Variants in WDFY1 observed in about 807,000 individuals in gnomAD.
WDFY1 encodes the protein WD repeat and FYVE domain-containing protein 1.
WDFY1 carries 32 observed loss-of-function variants against 56.4 expected under a neutral mutation model. The ratio of observed to expected loss-of-function variants is 0.57; its 90% CI spans 0.43 to 0.76. The LOEUF (loss-of-function observed/expected upper bound fraction) is 0.76. WDFY1 is among the 30% of genes least tolerant of loss of function. The pLI is 0.00. For synonymous variants in WDFY1, 192 were observed against 197.3 expected (o/e 0.97, Z 0.23); for missense variants, 480 against 545.7 (o/e 0.88, Z 1.20).
rs1232662624 is a variant in WDFY1, at chr2:223,895,435, CTA to C, written c.725+67_725+68del. ...GGGGTTTGCAGAAAGTGGTATCAGA[CTA>C]TTAATGCCTTTCACTAGCTCCCCAC... On this transcript the variant is annotated intron_variant, in intron 7 of 11. Coordinates refer to ENST00000233055, the MANE Select transcript of WDFY1 (RefSeq NM_020830.5). 6.8e-6 allele frequency: 11 copies of C among 1,609,796 alleles called. No homozygotes were observed. In the African/African-American group the frequency reaches 1.3e-4, roughly 20 times the overall value.
intron 1 of WDFY1, among the ~76,000 whole-genome samples, chr2:223,933,057 T>C (rs1314366359): frequency 6.6e-6 from 1 of 152,150 alleles, no homozygotes; most frequent in Non-Finnish European, 1.5e-5. Flanking sequence ...TCTTTCTCCT[T>C]TGGTAACAGG....
intron 6 of WDFY1, among the ~76,000 whole-genome samples, chr2:223,896,576 A>G (rs1197799156): frequency 6.6e-6 from 1 of 152,214 alleles, no homozygotes; most frequent in Non-Finnish European, 1.5e-5. Flanking sequence ...TATATCTTTC[A>G]GTAGGTCCTT....
At chr2:223,894,141 C>T in intron 8 of WDFY1, 93 bp downstream of exon 8, 1 of 1,252,800 alleles carries the variant, frequency 8.0e-7, no homozygotes, top group Non-Finnish European at 1.1e-6. Flanking sequence ...TGCACCTGGA[C>T]CAGCATTTAC....
chr2:223,944,600 G>T (rs1027616908), intron 1 of WDFY1, among the ~76,000 whole-genome samples: 1 of 150,940 alleles, frequency 6.6e-6, no homozygotes, highest in African/African-American at 2.4e-5. Flanking sequence ...CTTGAGTGGC[G>T]CGGTGGGACA....
intron 3 of WDFY1, among the ~76,000 whole-genome samples, 154 bp downstream of exon 3, chr2:223,912,099 G>C (rs1693714202): frequency 6.6e-6 from 1 of 152,182 alleles, no homozygotes; most frequent in African/African-American, 2.4e-5. Flanking sequence ...ACAGATGTGA[G>C]CCACTGTGCT....
intron 1 of WDFY1, among the ~76,000 whole-genome samples, chr2:223,930,569 G>A (rs1404631797): frequency 6.6e-6 from 1 of 152,202 alleles, no homozygotes; most frequent in Non-Finnish European, 1.5e-5. Flanking sequence ...GACCTCACGT[G>A]ATCCGCCCTC....
intron 1 of WDFY1, among the ~76,000 whole-genome samples, chr2:223,933,959 C>G (rs1345312988): frequency 2.3e-4 from 1 of 4,356 alleles, no homozygotes; most frequent in Non-Finnish European, 1.7e-3. Context: ...GAGACCCTGC[C>G]TCAAAAAAAA....
In WDFY1 at chr2:223,898,997, T is replaced by C; in HGVS notation, c.559A>G (p.Asn187Asp). 6.2e-7 allele frequency: 1 copy of C among 1,614,114 alleles called. No homozygotes were observed. Among genetic ancestry groups the C allele is most frequent in the Non-Finnish European group, 8.5e-7 (1 of 1,179,998 alleles). The change falls in exon 6 of 12, where the codon AAC (asparagine) becomes GAC (aspartate). Residue 187 changes from asparagine (N) to aspartate (D), a missense_variant. Coordinates refer to ENST00000233055, the MANE Select transcript of WDFY1 (RefSeq NM_020830.5). ...AGGGTTGTGATGACTGAACACGTGT[T>C]CTGTTCAAGCTTCAGCAGGGTGATC... is the stretch of plus-strand genomic sequence containing the variant. ...GQITLLKLEQ[N>D]TCSVITTLKG...
intron 10 of WDFY1, 51 bp downstream of exon 10, chr2:223,881,891 A>G: frequency 6.2e-7 from 1 of 1,603,862 alleles, no homozygotes; most frequent in South Asian, 1.1e-5. Flanking sequence ...TCAGAGAACC[A>G]TTAGACAGAT....
At chr2:223,939,526 TCA>T (rs1321247333) in intron 1 of WDFY1, among the ~76,000 whole-genome samples, 6 of 152,212 alleles carry the variant, frequency 3.9e-5, no homozygotes, top group Admixed American at 3.9e-4. Context: ...TTCAATGGAC[TCA>T]CAGTTCCATG....
At chr2:223,933,870 A>C (rs1694122382) in intron 1 of WDFY1, among the ~76,000 whole-genome samples, 1 of 137,492 alleles carries the variant, frequency 7.3e-6, no homozygotes. Context: ...GCTGAGGTGG[A>C]AGGATCGTTT....
Position 223,878,622 on chromosome 2 carries a change from ATTTGGTGGAG to A in WDFY1, c.*39_*48del. The A allele has an allele frequency of 6.8e-7, 1 of 1,462,994 alleles. No individual in the cohort carries two copies. Among genetic ancestry groups the A allele is most frequent in the Non-Finnish European group, 9.6e-7 (1 of 1,044,370 alleles). The allele number at this position is 1,462,994 out of a possible 1,614,324, so 90.6% of individuals were successfully genotyped here. The stretch of plus-strand genomic sequence containing the variant: ...TGTGGAGCTGCGTGAGAGGGACTTC[ATTTGGTGGAG>A]CTGCTGTTCTTAGGTGTGGACGCCG... On this transcript the variant is annotated 3_prime_UTR_variant, in exon 12 of 12. Transcript: ENST00000233055.
intron 7 of WDFY1, among the ~76,000 whole-genome samples, chr2:223,894,871 T>C (rs1233045661): frequency 6.6e-6 from 1 of 152,192 alleles, no homozygotes; most frequent in Non-Finnish European, 1.5e-5. Flanking sequence ...TATACTTGTG[T>C]ATAATATGTT....
intron 1 of WDFY1, among the ~76,000 whole-genome samples, chr2:223,923,009 C>T (rs1406263554): frequency 6.6e-6 from 1 of 152,194 alleles, no homozygotes; most frequent in Admixed American, 6.5e-5. Context: ...AAGACTTCCA[C>T]GATCTCTTAG....
intron 6 of WDFY1, among the ~76,000 whole-genome samples, chr2:223,898,683 G>C (rs1011007452): frequency 1.3e-5 from 2 of 152,172 alleles, no homozygotes; most frequent in Non-Finnish European, 2.9e-5. Context: ...GGGATTACAG[G>C]TGTGAACCAA....
intron 1 of WDFY1, among the ~76,000 whole-genome samples, chr2:223,932,344 G>C (rs966332846): frequency 4.0e-5 from 6 of 150,346 alleles, no homozygotes; most frequent in Admixed American, 6.6e-5. Context: ...GGATGGTCTC[G>C]ATCTCCTGAC....
At chr2:223,879,326 A>G (rs984773882) in intron 11 of WDFY1, among the ~76,000 whole-genome samples, 5 of 152,188 alleles carry the variant, frequency 3.3e-5, no homozygotes, top group Admixed American at 6.5e-5. Flanking sequence ...AGAAAAGCCC[A>G]TCAGGAATAT....
chr2:223,882,179 A>G (rs1693084515), intron 9 of WDFY1, 107 bp from the exon 10 acceptor site: 6 of 1,384,734 alleles, frequency 4.3e-6, no homozygotes, highest in Non-Finnish European at 9.5e-7. Flanking sequence ...CAGTGGCGTG[A>G]TCTCGGCTCA....
chr2:223,898,902 T>G (rs1693448555), intron 6 of WDFY1, 56 bp downstream of exon 6: 1 of 1,339,212 alleles, frequency 7.5e-7, no homozygotes, highest in East Asian at 2.3e-5. Flanking sequence ...AGTAGAGAAC[T>G]GAATTTGGAT....
Sources: gnomAD v4.1 joint callset for allele counts (sites outside exome capture counted in the v4.1 genomes callset) on GRCh38, gnomAD v4.1.1 for gene constraint, MANE v1.5 for transcripts, NCBI Gene and HGNC (gene_info 2026-07-23, HGNC 2026-07-21) for gene names.